TENM3: variants seen among roughly 807,000 people sequenced by gnomAD.
The protein encoded by TENM3 is teneurin-3.
Under a neutral mutation model 255.1 loss-of-function variants are expected in TENM3, and 63 were observed. The ratio of observed to expected loss-of-function variants is 0.25; its 90% CI spans 0.20 to 0.30. The LOEUF is 0.30. Among genes scored for constraint, TENM3 ranks in the 10% least tolerant of loss-of-function variants. The pLI is 1.00. For missense variants in TENM3, 2,929 were observed against 3,461.1 expected (o/e 0.85, Z 3.86); for synonymous variants, 1,306 against 1,322.3 (o/e 0.99, Z 0.27).
the TENM3 span, among the ~76,000 whole-genome samples, chr4:181,667,977 C>A: frequency 1.3e-5 from 2 of 152,126 alleles, no homozygotes; most frequent in African/African-American, 4.8e-5. Flanking sequence ...CTTAATGTTT[C>A]ACTTGACGAA....
the TENM3 span, among the ~76,000 whole-genome samples, chr4:181,937,144 T>C: frequency 6.6e-5 from 10 of 152,156 alleles, no homozygotes; most frequent in African/African-American, 1.9e-4. Context: ...CACCAGCGTG[T>C]GCAAAGCTCT....
At chr4:181,935,399 G>A in the TENM3 span, among the ~76,000 whole-genome samples, 3 of 152,302 alleles carry the variant, frequency 2.0e-5, no homozygotes, top group African/African-American at 7.2e-5. Flanking sequence ...AGCCTGCTAG[G>A]CTAGTTCTTC....
chr4:181,470,056 C>A, the TENM3 span, among the ~76,000 whole-genome samples: 1 of 146,146 alleles, frequency 6.8e-6, no homozygotes, highest in Admixed American at 7.0e-5. Context: ...CTTCTCTCTG[C>A]CAATTCACAG....
chr4:182,530,427 G>T (rs184586761), intron 3 of TENM3, among the ~76,000 whole-genome samples: 3 of 152,328 alleles, frequency 2.0e-5, no homozygotes, highest in African/African-American at 7.2e-5. Context: ...ACGTGAAACA[G>T]AAGGGGAATG....
the TENM3 span, among the ~76,000 whole-genome samples, chr4:181,563,566 T>A: frequency 6.6e-6 from 1 of 152,210 alleles, no homozygotes; most frequent in African/African-American, 2.4e-5. Context: ...AGATAGTCTT[T>A]ACCTTAGCAA....
the TENM3 span, among the ~76,000 whole-genome samples, chr4:181,680,452 A>C: frequency 6.6e-6 from 1 of 152,104 alleles, no homozygotes; most frequent in Non-Finnish European, 1.5e-5. Flanking sequence ...AGCCAGTCAA[A>C]CTACAGGTCG....
At chr4:182,600,456 T>C (rs772806717) in intron 3 of TENM3, among the ~76,000 whole-genome samples, 1 of 152,186 alleles carries the variant, frequency 6.6e-6, no homozygotes, top group Non-Finnish European at 1.5e-5. Context: ...TAATAATTTA[T>C]TGCAGTTAAA....
intron 1 of TENM3, among the ~76,000 whole-genome samples, chr4:182,206,300 A>G (rs1754573832): frequency 6.6e-6 from 1 of 151,968 alleles, no homozygotes; most frequent in Non-Finnish European, 1.5e-5. Context: ...TGTTTTGGGG[A>G]TGATTGCTTT....
At chr4:182,362,605 G>T (rs945516254) in intron 3 of TENM3, among the ~76,000 whole-genome samples, 1 of 152,132 alleles carries the variant, frequency 6.6e-6, no homozygotes, top group African/African-American at 2.4e-5. Context: ...GGAGTGACCC[G>T]ATTTTCCAGG....
the TENM3 span, among the ~76,000 whole-genome samples, chr4:181,622,340 A>G: frequency 6.6e-6 from 1 of 152,260 alleles, no homozygotes; most frequent in Admixed American, 6.5e-5. Flanking sequence ...GTAAAATACC[A>G]AGAGTCAAAA....
At chr4:181,904,752 TATAAAATA>T in the TENM3 span, among the ~76,000 whole-genome samples, 1 of 152,184 alleles carries the variant, frequency 6.6e-6, no homozygotes, top group Non-Finnish European at 1.5e-5. Context: ...TTCCAAGCTA[TATAAAATA>T]GTGATATGGT....
At chr4:182,487,074 C>T (rs1734820382) in intron 3 of TENM3, among the ~76,000 whole-genome samples, 1 of 152,140 alleles carries the variant, frequency 6.6e-6, no homozygotes, top group Non-Finnish European at 1.5e-5. Flanking sequence ...TAAAGGAGCT[C>T]CACAGCGGAC....
At chr4:182,362,103 C>T (rs1422622454) in intron 3 of TENM3, among the ~76,000 whole-genome samples, 5 of 152,076 alleles carry the variant, frequency 3.3e-5, no homozygotes, top group Non-Finnish European at 7.4e-5. Context: ...AGTACCCGGC[C>T]GTTTGAGGTG....
the TENM3 span, among the ~76,000 whole-genome samples, chr4:182,095,343 A>C: frequency 6.6e-6 from 1 of 152,198 alleles, no homozygotes; most frequent in Non-Finnish European, 1.5e-5. Context: ...ACACATACAC[A>C]ATGGAATATT....
chr4:181,947,290 A>T, the TENM3 span, among the ~76,000 whole-genome samples: 1 of 152,242 alleles, frequency 6.6e-6, no homozygotes, highest in Non-Finnish European at 1.5e-5. Context: ...ATTTTTAAAA[A>T]TGCAAAATTG....
chr4:182,261,874 C>T (rs769823416), intron 1 of TENM3, among the ~76,000 whole-genome samples: 5 of 152,250 alleles, frequency 3.3e-5, no homozygotes, highest in Non-Finnish European at 7.3e-5. Context: ...CTCCAGGTCA[C>T]TGTGGATCGT....
the TENM3 span, among the ~76,000 whole-genome samples, chr4:181,498,516 C>A: frequency 1.3e-5 from 2 of 152,066 alleles, no homozygotes; most frequent in African/African-American, 4.8e-5. Context: ...TGAGAAGATG[C>A]TGAAGAAAAT....
chr4:182,652,334 GT>G (rs1753382186), intron 5 of TENM3, among the ~76,000 whole-genome samples: 1 of 152,166 alleles, frequency 6.6e-6, no homozygotes. Flanking sequence ...AGAAGGGACT[GT>G]TTATTGAGGG....
intron 4 of TENM3, among the ~76,000 whole-genome samples, chr4:182,606,030 A>T (rs915265821): frequency 2.0e-5 from 3 of 152,242 alleles, no homozygotes; most frequent in African/African-American, 4.8e-5. Flanking sequence ...GGTTGAATGC[A>T]GGTAAGGCTC....
Sources: gnomAD v4.1 joint callset for allele counts (sites outside exome capture counted in the v4.1 genomes callset) on GRCh38, gnomAD v4.1.1 for gene constraint, MANE v1.5 for transcripts, NCBI Gene and HGNC (gene_info 2026-07-23, HGNC 2026-07-21) for gene names.